The following PLXNB1 variants were observed in gnomAD, a reference collection of about 807,000 sequenced individuals.
PLXNB1 encodes plexin B1.
In PLXNB1, 106 loss-of-function variants were observed where a neutral mutation model predicts 209.4. The observed-to-expected ratio is 0.51, with a 90% CI of 0.43 to 0.59. The LOEUF is 0.59. Ranked by LOEUF, PLXNB1 falls within the 20% of genes least tolerant of loss-of-function variation. PLXNB1 has a pLI of 0.00. For synonymous variants in PLXNB1, 1,167 were observed against 1,183.2 expected (o/e 0.99, Z 0.28); for missense variants, 2,357 against 2,853.2 (o/e 0.83, Z 3.96).
At position 48,419,963 on chromosome 3, in the gene PLXNB1, G is replaced by A. The variant is rs1364578483; in HGVS notation, c.2323C>T (p.Pro775Ser). The A allele has an allele frequency of 6.9e-6, 11 of 1,585,212 alleles. No individual in the cohort carries two copies. Among genetic ancestry groups the A allele is most frequent in the Non-Finnish European group, 9.5e-6 (11 of 1,163,866 alleles). The change falls in exon 11 of 38, where the codon CCC becomes TCC. Residue 775 changes from proline (P) to serine (S), a missense_variant. Pro to Ser is a moderately conservative substitution (Grantham distance 74). Around this residue, in one of 7 missense-constraint regions of PLXNB1, gnomAD observed 410 missense variants for 401.0 expected, o/e 1.02. Coordinates refer to ENST00000296440, the MANE Select transcript of PLXNB1 (RefSeq NM_001130082.3). This position sits in a 1 kb window ranked among gnomAD's most constrained non-coding sequence, Gnocchi z 5.7. ...GTGGCTGAGGGTCTGAAGTCAGTGG[G>A]GGCAGGGACAGCGGTTCCAGGTCCA... Reference protein sequence around the residue: ...QNGPGTAVPAPTDFRPSATPE... With the variant: ...QNGPGTAVPASTDFRPSATPE...
chr3:48,425,870 C>T (rs1337043420), intron 1 of PLXNB1, among the ~76,000 whole-genome samples: 1 of 152,016 alleles, frequency 6.6e-6, no homozygotes, highest in Admixed American at 6.6e-5. Context: ...TCTATACACA[C>T]AGCACAGTGA....
Position 48,406,637 on chromosome 3 carries a change from G to A in PLXNB1, c.6228+186C>T. 7.1e-7 allele frequency: 1 copy of A among 1,417,956 alleles called. No homozygotes were observed. Among genetic ancestry groups the A allele is most frequent in the South Asian group, 1.5e-5 (1 of 65,462 alleles). 87.8% of individuals were successfully genotyped at this position (1,417,956 alleles called of 1,614,324 possible). Reference sequence around the variant, plus strand: ...ACAAGACCCCTGCTTGCTCTGTGATGAGATGGTGGGAGCCCTGGTCTTTCA... The same window carrying A: ...ACAAGACCCCTGCTTGCTCTGTGATAAGATGGTGGGAGCCCTGGTCTTTCA... On this transcript the variant is annotated intron_variant, in intron 36 of 37. Coordinates refer to ENST00000296440, the MANE Select transcript of PLXNB1 (RefSeq NM_001130082.3). This position sits in a 1 kb window ranked among gnomAD's most constrained non-coding sequence, Gnocchi z 4.4.
Position 48,412,566 on chromosome 3 carries a change from C to T in PLXNB1, c.4909G>A (p.Val1637Met), listed in dbSNP as rs766482264. ...AGTGCCACGGTGAGCAGAGATGCCACGTAGGCACGGTCCCGAGCTGAAAAG... is the reference window on the plus strand; with the variant it reads ...AGTGCCACGGTGAGCAGAGATGCCATGTAGGCACGGTCCCGAGCTGAAAAG... ...RTFSARDRAY[V>M]ASLLTVALHG... The change falls in exon 26 of 38, where the codon GTG becomes ATG. Residue 1637 changes from valine (V) to methionine (M), a missense_variant. Transcript: ENST00000296440. 39 of 1,613,506 alleles carry T rather than the reference C, an allele frequency of 2.4e-5. No individual in the cohort carries two copies. The highest frequency in any genetic ancestry group is 2.5e-5 in the Non-Finnish European group (30 of 1,180,050).
In PLXNB1 at chr3:48,407,125, G is replaced by C. The variant is rs780497069; in HGVS notation, c.6088-34C>G. The C allele has an allele frequency of 1.9e-6, 3 of 1,595,222 alleles. No homozygotes were observed. The South Asian group carries it at 3.3e-5, about 18-fold the overall frequency. On this transcript the variant is annotated intron_variant, in intron 34 of 37. Coordinates refer to ENST00000296440, the MANE Select transcript of PLXNB1 (RefSeq NM_001130082.3). Reference sequence around the variant, plus strand: ...AGCAGGAGGACAGCAAAAGAGGAAGGAAGGAAGGATGAGGGTCCCTGTTCG... The same window carrying C: ...AGCAGGAGGACAGCAAAAGAGGAAGCAAGGAAGGATGAGGGTCCCTGTTCG...
rs779415364 is a variant in PLXNB1 at position 48,418,074 on chromosome 3, C to G, written c.3223-12G>C. ...GTCAGTGGCTCCACCTGTTCCAGGA[C>G]AAGGACTGCTCACCTCTACTCAACT... On this transcript the variant is annotated splice_polypyrimidine_tract_variant and intron_variant, in intron 15 of 37. Transcript: ENST00000296440. This position sits in a 1 kb window ranked among gnomAD's most constrained non-coding sequence, Gnocchi z 6.6. The G allele has an allele frequency of 5.6e-6, 9 of 1,611,216 alleles. No homozygotes were observed. Among genetic ancestry groups the G allele is most frequent in the Non-Finnish European group, 7.6e-6 (9 of 1,178,716 alleles).
Position 48,412,253 on chromosome 3 carries a change from C to G in PLXNB1, c.5085G>C (p.Leu1695=). Residue 1695 remains leucine, a synonymous_variant, in exon 27 of 38, where the codon CTG becomes CTC. Transcript: ENST00000296440. ...KLLTNWMSIC[L]YTFVRDSVGE... ...GCCCCCTCACCCTCACGAAGGTATA[C>G]AGACAGATGGACATCCAGTTGGTGA... is the stretch of plus-strand genomic sequence containing the variant. 6.2e-7 allele frequency: 1 copy of G among 1,614,120 alleles called. No individual in the cohort carries two copies. The highest frequency in any genetic ancestry group is 8.5e-7 in the Non-Finnish European group (1 of 1,180,002).
chr3:48,421,046 G>A, intron 8 of PLXNB1, 90 bp from the exon 9 acceptor site: 2 of 1,322,628 alleles, frequency 1.5e-6, no homozygotes, highest in Admixed American at 1.7e-5. Context: ...ATGGGGAAGA[G>A]GACCCGGGAT....
At position 48,406,150 on chromosome 3, in the gene PLXNB1, C is replaced by T. The variant is rs1475596814; in HGVS notation, c.6229-352G>A. Reference sequence around the variant, plus strand: ...CAGATGACTCCAGAGCCAAGTGGCACAGATGCCACTTGCAGGCTGACAGCC... The same window carrying T: ...CAGATGACTCCAGAGCCAAGTGGCATAGATGCCACTTGCAGGCTGACAGCC... On this transcript the variant is annotated intron_variant, in intron 36 of 37. Transcript: ENST00000296440. The surrounding 1 kb of genome is among the most constrained non-coding windows in gnomAD (Gnocchi z 4.4). 1 of 244,934 alleles carries T rather than the reference C, an allele frequency of 4.1e-6. No homozygotes were observed. The highest frequency in any genetic ancestry group is 2.3e-5 in the African/African-American group (1 of 44,204). 15.2% of individuals were successfully genotyped at this position (244,934 alleles called of 1,614,324 possible). A position where few individuals can be genotyped will look rare whatever the true frequency, so the allele number is the denominator to read the frequency against.
chr3:48,417,592 G>C lies in PLXNB1; in HGVS notation c.3374+319C>G, dbSNP rs2038184840. 6.6e-6 allele frequency among the ~76,000 whole-genome samples: 1 copy of C among 152,222 alleles called. No homozygotes were observed. Among genetic ancestry groups the C allele is most frequent in the African/African-American group, 2.4e-5 (1 of 41,456 alleles). ...CCCTGAGCTTATCTGTCTGATCTGA[G>C]GGTCCTGCTGCCACAGCTATTAATA... On this transcript the variant is annotated intron_variant, in intron 16 of 37. Coordinates refer to ENST00000296440, the MANE Select transcript of PLXNB1 (RefSeq NM_001130082.3). This position sits in a 1 kb window ranked among gnomAD's most constrained non-coding sequence, Gnocchi z 4.4.
At chr3:48,414,221 T>C in intron 21 of PLXNB1, 150 bp from the exon 22 acceptor site, 4 of 660,884 alleles carry the variant, frequency 6.1e-6, no homozygotes, top group Non-Finnish European at 7.9e-6. Flanking sequence ...TCACACGGTG[T>C]CCTCCAAGCT....
Position 48,417,133 on chromosome 3 carries a change from C to T in PLXNB1, c.3375-682G>A, listed in dbSNP as rs556431152. On this transcript the variant is annotated intron_variant, in intron 16 of 37. Coordinates refer to ENST00000296440, the MANE Select transcript of PLXNB1 (RefSeq NM_001130082.3). This position sits in a 1 kb window ranked among gnomAD's most constrained non-coding sequence, Gnocchi z 4.4. ...CACAGCAGTCTTATGGTCTGGAACA[C>T]TAACAGTCTAGATAGTCACCGTAAG... Among the ~76,000 whole-genome samples the T allele has an allele frequency of 6.6e-6, 1 of 152,260 alleles. No individual in the cohort carries two copies. Among genetic ancestry groups the T allele is most frequent in the Admixed American group, 6.5e-5 (1 of 15,300 alleles).
chr3:48,412,933 T>C lies in PLXNB1; in HGVS notation c.4663A>G (p.Thr1555Ala), dbSNP rs1465701347. 6.2e-7 allele frequency: 1 copy of C among 1,614,058 alleles called. No homozygotes were observed. The highest frequency in any genetic ancestry group is 1.1e-5 in the South Asian group (1 of 91,078). ...TDLMTEMTDLTSDLLGSGIPF... is the reference protein window; with the variant it reads ...TDLMTEMTDLASDLLGSGIPF... ...ATGCCGCTGCCCAGGAGGTCACTGG[T>C]GAGATCGGTCATCTCAGTCATGAGG... Residue 1555 changes from threonine to alanine, a missense_variant, in exon 25 of 38, where the codon ACC becomes GCC. Thr to Ala is a moderately conservative substitution (Grantham distance 58). This residue lies in a region of PLXNB1 where 743 missense variants were observed against 896.2 expected (regional missense o/e 0.83). Transcript: ENST00000296440.
rs2037518542 is a variant in PLXNB1 at position 48,409,453 on chromosome 3, T to C, written c.5963A>G (p.Asn1988Ser). 1.2e-6 allele frequency: 2 copies of C among 1,614,012 alleles called. No homozygotes were observed. Among genetic ancestry groups the C allele is most frequent in the Non-Finnish European group, 1.7e-6 (2 of 1,180,026 alleles). The change falls in exon 34 of 38, where the codon AAT becomes AGT. Residue 1988 changes from asparagine (N) to serine (S), a missense_variant. Coordinates refer to ENST00000296440, the MANE Select transcript of PLXNB1 (RefSeq NM_001130082.3). The surrounding 1 kb of genome is among the most constrained non-coding windows in gnomAD (Gnocchi z 5.8). ...TNSLPLRFWI[N>S]IIKNPQFVFD... Reference sequence around the variant, plus strand: ...CACAAACTGCGGGTTTTTTATTATATTGATCCAGAACCTCAGAGGCAAGCT... The same window carrying C: ...CACAAACTGCGGGTTTTTTATTATACTGATCCAGAACCTCAGAGGCAAGCT...
rs112266816 is a variant in PLXNB1, at chr3:48,405,404, G to A, written c.6303+320C>T. Among the ~76,000 whole-genome samples, 7 of 152,210 alleles carry A rather than the reference G, an allele frequency of 4.6e-5. No homozygotes were observed. The highest frequency in any genetic ancestry group is 1.4e-4 in the African/African-American group (6 of 41,538). ...CCAGGCCTGCACTTGCATGTTGGCC[G>A]TGCCCAACATGCTGCCAACTCAGCA... On this transcript the variant is annotated intron_variant, in intron 37 of 37. Coordinates refer to ENST00000296440, the MANE Select transcript of PLXNB1 (RefSeq NM_001130082.3). The surrounding 1 kb of genome is among the most constrained non-coding windows in gnomAD (Gnocchi z 5.0).
Position 48,421,252 on chromosome 3 carries a change from C to A in PLXNB1, c.1786G>T (p.Ala596Ser). The A allele has an allele frequency of 6.2e-7, 1 of 1,613,144 alleles. No individual in the cohort carries two copies. Among genetic ancestry groups the A allele is most frequent in the Non-Finnish European group, 8.5e-7 (1 of 1,179,626 alleles). ...VMCPSPDPSE[A>S]PVLPRGADYV... ...CCGGCTCCTCTCGGCAGCACTGGGGCCTCACTAGGGTCTGGGGAGGGGCAC... is the reference window on the plus strand; with the variant it reads ...CCGGCTCCTCTCGGCAGCACTGGGGACTCACTAGGGTCTGGGGAGGGGCAC... Residue 596 changes from alanine to serine, a missense_variant, in exon 8 of 38, where the codon GCC becomes TCC. Physicochemically the swap from Ala to Ser is moderately conservative, Grantham distance 99. Around this residue, in one of 7 missense-constraint regions of PLXNB1, gnomAD observed 214 missense variants for 297.1 expected, o/e 0.72. Transcript: ENST00000296440.
chr3:48,413,700 A>AGAGCCAGAAGAGAGGTGCC lies in PLXNB1; in HGVS notation c.4486_4504dup (p.Leu1502ArgfsTer28). ...CATGAGGACAATGATGATGACACCC[A>AGAGCCAGAAGAGAGGTGCC]GAGCCAGAAGAGAGGTGCCCACCCC... is the stretch of plus-strand genomic sequence containing the variant. On this transcript the variant is annotated frameshift_variant, in exon 23 of 38. Transcript: ENST00000296440. LOFTEE classifies it high-confidence loss of function. The surrounding 1 kb of genome is among the most constrained non-coding windows in gnomAD (Gnocchi z 5.4). 6.2e-7 allele frequency: 1 copy of AGAGCCAGAAGAGAGGTGCC among 1,613,548 alleles called. No individual in the cohort carries two copies.
chr3:48,409,684 G>T lies in PLXNB1; in HGVS notation c.5826C>A (p.Ser1942Arg). Reference sequence around the variant, plus strand: ...CAGCGAGCGGCACGGGGCGGCTGGTGCTGAGAATCACCTGGAACAGGTCAT... The same window carrying T: ...CAGCGAGCGGCACGGGGCGGCTGGTTCTGAGAATCACCTGGAACAGGTCAT... ...FVDDLFQVILSTSRPVPLAVK... is the reference protein window; with the variant it reads ...FVDDLFQVILRTSRPVPLAVK... Residue 1942 changes from serine (S) to arginine (R), a missense_variant, in exon 33 of 38, where the codon AGC (serine) becomes AGA (arginine). Ser to Arg is a moderately radical substitution (Grantham distance 110). This residue lies in a region of PLXNB1 where 414 missense variants were observed against 520.5 expected (regional missense o/e 0.80). Transcript: ENST00000296440. This position sits in a 1 kb window ranked among gnomAD's most constrained non-coding sequence, Gnocchi z 5.8. 1.2e-6 allele frequency: 2 copies of T among 1,613,934 alleles called. No individual in the cohort carries two copies. Among genetic ancestry groups the T allele is most frequent in the South Asian group, 2.2e-5 (2 of 91,088 alleles).
Position 48,418,055 on chromosome 3 carries a change from G to C in PLXNB1, c.3230C>G (p.Pro1077Arg). Residue 1077 changes from proline to arginine, a missense_variant, in exon 16 of 38, where the codon CCA (proline) becomes CGA (arginine). Physicochemically the swap from Pro to Arg is moderately radical, Grantham distance 103. Transcript: ENST00000296440. The surrounding 1 kb of genome is among the most constrained non-coding windows in gnomAD (Gnocchi z 6.6). ...CPAPLIHSVE[P>R]LTGPVDGGTR... is the part of the protein sequence containing the mutation. ...GCCTCCGTCTACAGGCCCAGTCAGT[G>C]GCTCCACCTGTTCCAGGACAAGGAC... The C allele has an allele frequency of 6.2e-7, 1 of 1,612,768 alleles. No individual in the cohort carries two copies. The highest frequency in any genetic ancestry group is 8.5e-7 in the Non-Finnish European group (1 of 1,179,602).
Position 48,415,803 on chromosome 3 carries a change from A to C in PLXNB1, c.3618-44T>G, listed in dbSNP as rs1275302612. 1.6e-5 allele frequency: 24 copies of C among 1,514,126 alleles called. No homozygotes were observed. The highest frequency in any genetic ancestry group is 2.8e-5 in the African/African-American group (2 of 72,412). 93.8% of individuals were successfully genotyped at this position (1,514,126 alleles called of 1,614,324 possible). A position where few individuals can be genotyped will look rare whatever the true frequency, so the allele number is the denominator to read the frequency against. ...ATGAATGCAGGGGCGCAGGCAGGGA[A>C]AACTTGGACCACTCAGGCCCCAACT... On this transcript the variant is annotated intron_variant, in intron 18 of 37. Coordinates refer to ENST00000296440, the MANE Select transcript of PLXNB1 (RefSeq NM_001130082.3). The surrounding 1 kb of genome is among the most constrained non-coding windows in gnomAD (Gnocchi z 5.0).
Sources: gnomAD v4.1 joint callset for allele counts (sites outside exome capture counted in the v4.1 genomes callset) on GRCh38, gnomAD v4.1.1 for gene constraint, gnomAD v4.1.1 regional missense constraint, Gnocchi (gnomAD v3.1) non-coding constraint, MANE v1.5 for transcripts, NCBI Gene and HGNC (gene_info 2026-07-23, HGNC 2026-07-21) for gene names.